Variants in PCNX1 observed in about 807,000 individuals in gnomAD.
The protein encoded by PCNX1 is pecanex 1, also known as pecanex-like protein 1.
In PCNX1, 78 loss-of-function variants were observed where a neutral mutation model predicts 242.2. The observed-to-expected ratio is 0.32, with a 90% CI of 0.27 to 0.39. The LOEUF is 0.39. Among genes scored for constraint, PCNX1 ranks in the 10% least tolerant of loss-of-function variants. The pLI is 1.00. For missense variants in PCNX1, 2,581 were observed against 2,856.5 expected (o/e 0.90, Z 2.20); for synonymous variants, 1,024 against 1,032.9 (o/e 0.99, Z 0.17).
chr14:71,000,091 T>C (rs529874415), intron 8 of PCNX1, among the ~76,000 whole-genome samples: 45 of 152,166 alleles, frequency 3.0e-4, no homozygotes, highest in Non-Finnish European at 5.6e-4. Flanking sequence ...TTCTATTCTT[T>C]GATCATTTTT....
At chr14:71,002,470 C>T (rs931354288) in intron 8 of PCNX1, among the ~76,000 whole-genome samples, 6 of 152,104 alleles carry the variant, frequency 3.9e-5, no homozygotes, top group South Asian at 2.1e-4. Context: ...AATCAAGATG[C>T]GAGTGTTTCT....
intron 12 of PCNX1, among the ~76,000 whole-genome samples, chr14:71,021,667 A>AT (rs1365371277): frequency 2.6e-5 from 4 of 152,152 alleles, no homozygotes; most frequent in Non-Finnish European, 5.9e-5. Context: ...TGATCATTCT[A>AT]ATTGCTAAAT....
In PCNX1 at chr14:71,113,030, G is replaced by A. The variant is rs1419105556; in HGVS notation, c.*3095G>A. 1 of 151,930 alleles carries A rather than the reference G, an allele frequency of 6.6e-6. No individual in the cohort carries two copies. Among genetic ancestry groups the A allele is most frequent in the Non-Finnish European group, 1.5e-5 (1 of 67,976 alleles). The allele number at this position is 151,930 out of a possible 1,614,324, so 9.4% of individuals were successfully genotyped here. The stretch of plus-strand genomic sequence containing the variant: ...CTCTTTTTACACCATTTTCAACACT[G>A]GATAAAACTTTAATGTTGACTTTTT... On this transcript the variant is annotated 3_prime_UTR_variant, in exon 36 of 36. Transcript: ENST00000304743.
At chr14:70,928,000 T>G (rs1012502337) in intron 1 of PCNX1, among the ~76,000 whole-genome samples, 8 of 152,180 alleles carry the variant, frequency 5.3e-5, no homozygotes, top group African/African-American at 1.7e-4. Context: ...TATATATTAA[T>G]ATTTCATTTT....
rs1220857373 is a variant in PCNX1, at chr14:71,115,179, G to C, written c.*5244G>C. On this transcript the variant is annotated 3_prime_UTR_variant, in exon 36 of 36. Transcript: ENST00000304743. ...TATTCATGGCCTTTACCAGCATTCA[G>C]TATAAACCAGAGATAAGGACATATG... is the stretch of plus-strand genomic sequence containing the variant. 1.3e-5 allele frequency: 2 copies of C among 152,502 alleles called. No individual in the cohort carries two copies. Among genetic ancestry groups the C allele is most frequent in the Admixed American group, 1.3e-4 (2 of 15,258 alleles). The allele number at this position is 152,502 out of a possible 1,614,324, so 9.4% of individuals were successfully genotyped here.
chr14:70,925,923 A>T (rs2056574888), intron 1 of PCNX1, among the ~76,000 whole-genome samples: 1 of 151,916 alleles, frequency 6.6e-6, no homozygotes, highest in Non-Finnish European at 1.5e-5. Flanking sequence ...ATCATACAAG[A>T]TGCTTCTTTC....
At chr14:70,983,272 T>A (rs2058895596) in intron 6 of PCNX1, among the ~76,000 whole-genome samples, 1 of 152,182 alleles carries the variant, frequency 6.6e-6, no homozygotes, top group African/African-American at 2.4e-5. Context: ...TCAGTAAGGA[T>A]GTGCAAATTA....
chr14:71,110,252 A>C lies in PCNX1; in HGVS notation c.*317A>C. The C allele has an allele frequency of 2.8e-6, 1 of 351,194 alleles. No individual in the cohort carries two copies. The highest frequency in any genetic ancestry group is 7.0e-5 in the East Asian group (1 of 14,284). The allele number at this position is 351,194 out of a possible 1,614,324, so 21.8% of individuals were successfully genotyped here. On this transcript the variant is annotated 3_prime_UTR_variant, in exon 36 of 36. Transcript: ENST00000304743. ...GCATTGCCTATGCTTTAAATCAACA[A>C]ACTCTTCATTTCTAAACTATGATCT...
chr14:70,965,291 G>A (rs1355267959), intron 3 of PCNX1: 1 of 152,124 alleles, frequency 6.6e-6, no homozygotes, highest in African/African-American at 2.4e-5. Context: ...GTGTGGGTTG[G>A]GGAGTGGGTC....
chr14:70,964,396 A>G (rs1278925987), intron 3 of PCNX1, among the ~76,000 whole-genome samples: 2 of 152,104 alleles, frequency 1.3e-5, no homozygotes, highest in African/African-American at 4.8e-5. Flanking sequence ...TTCAAATTTT[A>G]CAATGCCTGT....
intron 1 of PCNX1, among the ~76,000 whole-genome samples, chr14:70,924,231 CAAA>C (rs60333920): frequency 9.2e-5 from 9 of 98,000 alleles, no homozygotes; most frequent in Non-Finnish European, 1.4e-4. Context: ...GAGACTGTCT[CAAA>C]AAAAAAAAAA....
chr14:71,056,360 G>C (rs1331420987), intron 25 of PCNX1, among the ~76,000 whole-genome samples: 2 of 152,194 alleles, frequency 1.3e-5, no homozygotes, highest in Non-Finnish European at 1.5e-5. Flanking sequence ...GTATGTGCTT[G>C]TAAAGGGCTA....
Position 70,940,621 on chromosome 14 carries a change from T to G in PCNX1, c.154-6294T>G, listed in dbSNP as rs964135144. 2.2e-4 allele frequency among the ~76,000 whole-genome samples: 33 copies of G among 152,278 alleles called. 3 individuals carry two copies. Among genetic ancestry groups the G allele is most frequent in the African/African-American group, 7.2e-4 (30 of 41,554 alleles). Reference sequence around the variant, plus strand: ...TTATGTGTCTTGGAGTTGCTCTTCTTGAGGAGTATCTTTGTGGCATTCTCT... The same window carrying G: ...TTATGTGTCTTGGAGTTGCTCTTCTGGAGGAGTATCTTTGTGGCATTCTCT... On this transcript the variant is annotated intron_variant, in intron 1 of 35. Coordinates refer to ENST00000304743, the MANE Select transcript of PCNX1 (RefSeq NM_014982.3).
At chr14:71,065,484 G>T (rs968688825) in intron 26 of PCNX1, among the ~76,000 whole-genome samples, 1 of 151,964 alleles carries the variant, frequency 6.6e-6, no homozygotes, top group African/African-American at 2.4e-5. Flanking sequence ...TTTTCTTGTA[G>T]ATTTGTTTAA....
chr14:70,989,533 A>ATT (rs1566665780), intron 7 of PCNX1, among the ~76,000 whole-genome samples: 3 of 121,814 alleles, frequency 2.5e-5, no homozygotes, highest in East Asian at 2.5e-4. Flanking sequence ...AACAGATATA[A>ATT]ATTTTTTTTT....
intron 8 of PCNX1, among the ~76,000 whole-genome samples, chr14:71,002,034 TTC>T (rs958669932): frequency 6.6e-6 from 1 of 152,194 alleles, no homozygotes. Flanking sequence ...ATGTGACAAC[TTC>T]TCGTCGTGGG....
chr14:71,023,397 G>C (rs891233178), intron 13 of PCNX1, among the ~76,000 whole-genome samples, 165 bp downstream of exon 13: 11 of 152,062 alleles, frequency 7.2e-5, no homozygotes, highest in African/African-American at 2.6e-4. Flanking sequence ...TAGAAATATA[G>C]GTGTTTTGTT....
intron 6 of PCNX1, among the ~76,000 whole-genome samples, chr14:70,982,388 A>G (rs1170124143): frequency 6.6e-6 from 1 of 152,246 alleles, no homozygotes; most frequent in African/African-American, 2.4e-5. Context: ...AGAAGCTGTA[A>G]TAACTGTACA....
At chr14:71,089,699 CA>C (rs772004951) in intron 30 of PCNX1, among the ~76,000 whole-genome samples, 12 of 149,724 alleles carry the variant, frequency 8.0e-5, no homozygotes, top group Non-Finnish European at 1.6e-4. Flanking sequence ...TACCTCCCAC[CA>C]GTTCCCTTCC....
Sources: gnomAD v4.1 joint callset for allele counts (sites outside exome capture counted in the v4.1 genomes callset) on GRCh38, gnomAD v4.1.1 for gene constraint, MANE v1.5 for transcripts, NCBI Gene and HGNC (gene_info 2026-07-23, HGNC 2026-07-21) for gene names.